Variants in DSCAM observed in about 807,000 individuals in gnomAD.
The protein encoded by DSCAM is cell adhesion molecule DSCAM.
DSCAM carries 47 observed loss-of-function variants against 217.7 expected under a neutral mutation model. The observed-to-expected ratio is 0.22, with a 90% confidence interval of 0.17 to 0.28. The LOEUF is 0.28. DSCAM is among the 10% of genes least tolerant of loss of function. The pLI is 1.00. For missense variants in DSCAM, 2,080 were observed against 2,618.3 expected (o/e 0.79, Z 4.49); for synonymous variants, 1,056 against 1,015.3 (o/e 1.04, Z -0.76).
chr21:40,354,309 T>C (rs1262957674), intron 4 of DSCAM, among the ~76,000 whole-genome samples: 1 of 152,160 alleles, frequency 6.6e-6, no homozygotes, highest in Non-Finnish European at 1.5e-5. Flanking sequence ...ATACATTAAA[T>C]TATCACATGT....
At chr21:40,810,022 GT>G (rs2091824400) in intron 1 of DSCAM, among the ~76,000 whole-genome samples, 1 of 152,186 alleles carries the variant, frequency 6.6e-6, no homozygotes, top group South Asian at 2.1e-4. Context: ...AGGAACAGCC[GT>G]CCCCACCACC....
intron 3 of DSCAM, among the ~76,000 whole-genome samples, chr21:40,497,226 C>T (rs903376396): frequency 3.2e-4 from 48 of 152,102 alleles, no homozygotes; most frequent in African/African-American, 1.1e-3. Context: ...TCACAATAGA[C>T]AAAAATTAGA....
At chr21:40,388,790 G>A (rs769004119) in intron 3 of DSCAM, among the ~76,000 whole-genome samples, 6 of 151,936 alleles carry the variant, frequency 3.9e-5, no homozygotes, top group Non-Finnish European at 8.8e-5. Flanking sequence ...ATTGGAGTAG[G>A]GTGGTATAAA....
chr21:40,587,248 G>C (rs2076953252), intron 3 of DSCAM, among the ~76,000 whole-genome samples: 2 of 152,116 alleles, frequency 1.3e-5, no homozygotes, highest in African/African-American at 2.4e-5. Context: ...TATTTCTGAT[G>C]AGAACACTAG....
At chr21:40,266,795 T>TAC (rs2073541727) in intron 11 of DSCAM, among the ~76,000 whole-genome samples, 1 of 137,398 alleles carries the variant, frequency 7.3e-6, no homozygotes, top group African/African-American at 2.8e-5. Context: ...TATATATATA[T>TAC]ATATACACAC....
intron 3 of DSCAM, among the ~76,000 whole-genome samples, chr21:40,684,938 G>A (rs1301384602): frequency 6.6e-6 from 1 of 152,094 alleles, no homozygotes; most frequent in Non-Finnish European, 1.5e-5. Context: ...AAACATCACG[G>A]GGAGAGAGAG....
chr21:40,158,595 C>T (rs1047005994), intron 16 of DSCAM, among the ~76,000 whole-genome samples: 3 of 152,064 alleles, frequency 2.0e-5, no homozygotes, highest in African/African-American at 4.8e-5. Flanking sequence ...CACGGGCCCA[C>T]GGGAGCAACA....
intron 3 of DSCAM, among the ~76,000 whole-genome samples, chr21:40,616,383 C>T (rs76891914): frequency 6.6e-6 from 1 of 152,222 alleles, no homozygotes; most frequent in East Asian, 1.9e-4. Context: ...CTAGTTGGTT[C>T]GTACCAAGTC....
chr21:40,109,452 G>A (rs143435343), intron 20 of DSCAM, among the ~76,000 whole-genome samples: 1,752 of 152,250 alleles, frequency 0.012, 38 homozygotes, highest in African/African-American at 0.039. Flanking sequence ...CCAAGATGGC[G>A]GAATAGGAAC....
intron 8 of DSCAM, among the ~76,000 whole-genome samples, chr21:40,334,713 T>C (rs1422535774): frequency 1.9e-5 from 2 of 104,424 alleles, no homozygotes; most frequent in Admixed American, 1.2e-4. Flanking sequence ...GCAAATATAG[T>C]GCACCACAAC....
intron 3 of DSCAM, among the ~76,000 whole-genome samples, chr21:40,622,798 G>A (rs988950747): frequency 1.3e-5 from 2 of 151,330 alleles, no homozygotes; most frequent in South Asian, 4.2e-4. Flanking sequence ...CACTGAGCTG[G>A]CTCCGAGTCT....
chr21:40,101,587 C>A (rs545244652), intron 20 of DSCAM, among the ~76,000 whole-genome samples: 3 of 151,986 alleles, frequency 2.0e-5, no homozygotes, highest in African/African-American at 7.3e-5. Flanking sequence ...AGTATTAGTC[C>A]GTAGCCCGGG....
intron 3 of DSCAM, among the ~76,000 whole-genome samples, chr21:40,660,893 T>G (rs537236726): frequency 3.3e-5 from 5 of 152,178 alleles, no homozygotes; most frequent in Non-Finnish European, 7.3e-5. Context: ...AAAAGCAGCC[T>G]CCTCTATTGC....
At chr21:40,123,917 G>C (rs1231752068) in intron 20 of DSCAM, among the ~76,000 whole-genome samples, 1 of 152,066 alleles carries the variant, frequency 6.6e-6, no homozygotes, top group Non-Finnish European at 1.5e-5. Flanking sequence ...CAAGGCCTCT[G>C]GGTTTTGATT....
intron 21 of DSCAM, among the ~76,000 whole-genome samples, chr21:40,088,775 C>A (rs752902387): frequency 7.9e-5 from 12 of 152,178 alleles, no homozygotes; most frequent in Non-Finnish European, 1.5e-4. Context: ...ATGTCCTCAG[C>A]AGTAAAAGGC....
chr21:40,392,313 T>C (rs969557333), intron 3 of DSCAM, among the ~76,000 whole-genome samples: 2 of 152,172 alleles, frequency 1.3e-5, no homozygotes, highest in African/African-American at 2.4e-5. Context: ...AAACAGTGTT[T>C]GATAAATATT....
At chr21:40,787,863 C>G (rs1361493126) in intron 1 of DSCAM, among the ~76,000 whole-genome samples, 1 of 152,148 alleles carries the variant, frequency 6.6e-6, no homozygotes, top group Non-Finnish European at 1.5e-5. Flanking sequence ...CCACTCCTCC[C>G]CCAATTGTAT....
At chr21:40,577,785 C>A (rs2076866167) in intron 3 of DSCAM, among the ~76,000 whole-genome samples, 1 of 152,116 alleles carries the variant, frequency 6.6e-6, no homozygotes, top group African/African-American at 2.4e-5. Flanking sequence ...TAAACAGTTC[C>A]AGGTGCAAGG....
Position 40,293,793 on chromosome 21 carries a change from C to G in DSCAM, c.2182+2262G>C, listed in dbSNP as rs112539232. On this transcript the variant is annotated intron_variant, in intron 10 of 32. Transcript: ENST00000400454. ...TGAGCTGAGATCGCACCACTGCACT[C>G]CAGCCTGGGCGACAGAGCAAGACTC... Among the ~76,000 whole-genome samples the G allele has an allele frequency of 3.7e-3, 563 of 152,084 alleles. 7 individuals carry two copies. The highest frequency in any genetic ancestry group is 0.013 in the African/African-American group (533 of 41,470).
Sources: allele counts gnomAD v4.1 joint callset (sites outside exome capture counted in the v4.1 genomes callset), GRCh38; gene constraint gnomAD v4.1.1; transcripts MANE v1.5; gene names NCBI Gene and HGNC (gene_info 2026-07-23, HGNC 2026-07-21).